ANK3: variants seen among roughly 807,000 people sequenced by gnomAD.
The protein encoded by ANK3 is ankyrin-3.
A neutral mutation model predicts 370.9 loss-of-function variants in ANK3; 57 were observed. That is an observed-to-expected ratio of 0.15 (90% CI 0.12 to 0.19). ANK3 has a LOEUF of 0.19. ANK3 is among the 10% of genes least tolerant of loss of function. ANK3 has a pLI of 1.00. For missense variants in ANK3, 4,439 were observed against 5,302.1 expected (o/e 0.84, Z 5.06); for synonymous variants, 1,929 against 1,946.3 (o/e 0.99, Z 0.23).
In ANK3 at chr10:60,071,767, G is replaced by T. The variant is rs752477716; in HGVS notation, c.9114C>A (p.Leu3038=). 3.1e-6 allele frequency: 5 copies of T among 1,600,044 alleles called. No individual in the cohort carries two copies. Among genetic ancestry groups the T allele is most frequent in the Non-Finnish European group, 4.3e-6 (5 of 1,174,758 alleles). Residue 3038 remains leucine (L), a synonymous_variant, in exon 37 of 44, where the codon CTC becomes CTA. Coordinates refer to ENST00000280772, the MANE Select transcript of ANK3 (RefSeq NM_020987.5). The part of the protein sequence containing the change: ...HQSYVGLCPP[L]EETETSPTKS... ...TGGTGGGGGAGGTTTCGGTTTCCTCGAGAGGTGGGCATAAACCTACATAAC... is the reference window on the plus strand; with the variant it reads ...TGGTGGGGGAGGTTTCGGTTTCCTCTAGAGGTGGGCATAAACCTACATAAC...
chr10:60,728,696 G>A (rs1329602547), intron 1 of ANK3, among the ~76,000 whole-genome samples: 1 of 152,222 alleles, frequency 6.6e-6, no homozygotes, highest in African/African-American at 2.4e-5. Context: ...TGAGGTTACA[G>A]AACTAGTTAG....
At chr10:60,457,121 C>T (rs1400499992) in intron 2 of ANK3, among the ~76,000 whole-genome samples, 1 of 152,056 alleles carries the variant, frequency 6.6e-6, no homozygotes, top group East Asian at 1.9e-4. Context: ...TTGACTTTAA[C>T]CATGGTTTGT....
chr10:60,441,566 G>C (rs1207817582), intron 2 of ANK3, among the ~76,000 whole-genome samples: 2 of 151,988 alleles, frequency 1.3e-5, no homozygotes, highest in Non-Finnish European at 2.9e-5. Flanking sequence ...TTACATGGCT[G>C]GAATTCCTAT....
intron 7 of ANK3, among the ~76,000 whole-genome samples, chr10:60,245,744 A>G (rs1334494338): frequency 6.6e-6 from 1 of 152,234 alleles, no homozygotes; most frequent in Admixed American, 6.5e-5. Context: ...TATGCAAACA[A>G]TGATAACTTC....
chr10:60,712,520 G>A (rs1411941311), intron 1 of ANK3, among the ~76,000 whole-genome samples: 2 of 152,074 alleles, frequency 1.3e-5, no homozygotes, highest in African/African-American at 4.8e-5. Flanking sequence ...GAGAGAAAAT[G>A]GAATCATATA....
At chr10:60,265,194 C>CA (rs930949122) in intron 5 of ANK3, among the ~76,000 whole-genome samples, 5 of 151,934 alleles carry the variant, frequency 3.3e-5, no homozygotes, top group South Asian at 4.2e-4. Flanking sequence ...CAATAAATTT[C>CA]AAAAAAAGCA....
intron 23 of ANK3, among the ~76,000 whole-genome samples, chr10:60,158,961 C>A (rs1011883901): frequency 7.9e-5 from 12 of 151,898 alleles, no homozygotes; most frequent in Non-Finnish European, 1.2e-4. Context: ...TAGGCATGAG[C>A]CACCGTGCCC....
At chr10:60,094,206 CA>C (rs1285565559) in intron 28 of ANK3, among the ~76,000 whole-genome samples, 2 of 110,022 alleles carry the variant, frequency 1.8e-5, no homozygotes, top group African/African-American at 7.1e-5. Context: ...TTTTTTTGGA[CA>C]GGGTCTCACT....
intron 2 of ANK3, chr10:60,615,156 T>C (rs759161143): frequency 2.8e-5 from 39 of 1,405,380 alleles, no homozygotes; most frequent in Middle Eastern, 3.5e-4. Flanking sequence ...AAATAATATA[T>C]TTGTTGAGTT....
chr10:60,271,661 A>G (rs950215763), intron 4 of ANK3, among the ~76,000 whole-genome samples: 19 of 152,162 alleles, frequency 1.2e-4, no homozygotes, highest in African/African-American at 3.4e-4. Flanking sequence ...TGATTCAAAA[A>G]GTTTAGGTTC....
chr10:60,493,253 G>C (rs1416118815), intron 2 of ANK3, among the ~76,000 whole-genome samples: 1 of 152,122 alleles, frequency 6.6e-6, no homozygotes, highest in South Asian at 2.1e-4. Context: ...CAGTAAGCAG[G>C]AAGTGTCAAG....
intron 2 of ANK3, among the ~76,000 whole-genome samples, chr10:60,499,209 T>C (rs982141847): frequency 1.3e-5 from 2 of 152,180 alleles, no homozygotes; most frequent in African/African-American, 4.8e-5. Flanking sequence ...ATGCATGTTC[T>C]TCCTCAAAAG....
chr10:60,695,547 C>A (rs2079434353), intron 1 of ANK3, among the ~76,000 whole-genome samples: 1 of 152,202 alleles, frequency 6.6e-6, no homozygotes, highest in African/African-American at 2.4e-5. Flanking sequence ...TTATAACAAA[C>A]TGTCTCTCAG....
At chr10:60,079,621 A>G (rs1793924195) in intron 36 of ANK3, among the ~76,000 whole-genome samples, 1 of 152,232 alleles carries the variant, frequency 6.6e-6, no homozygotes, top group African/African-American at 2.4e-5. Flanking sequence ...GGAATGATTC[A>G]CTAATTAAAA....
intron 2 of ANK3, among the ~76,000 whole-genome samples, chr10:60,471,895 C>T (rs551199876): frequency 7.9e-5 from 12 of 151,662 alleles, no homozygotes; most frequent in East Asian, 3.9e-4. Flanking sequence ...TTTCCTATAC[C>T]GCAAATAAAG....
intron 1 of ANK3, among the ~76,000 whole-genome samples, chr10:60,306,449 ATATATC>A (rs35854424): frequency 0.46 from 36,072 of 78,182 alleles, 5,268 homozygotes; most frequent in South Asian, 0.56. Flanking sequence ...ATATATATAT[ATATATC>A]TATCTTTATC....
At chr10:60,204,650 A>G (rs1002491855) in intron 11 of ANK3, among the ~76,000 whole-genome samples, 2 of 152,188 alleles carry the variant, frequency 1.3e-5, no homozygotes, top group Non-Finnish European at 2.9e-5. Context: ...CAGGCATTCA[A>G]CAAAACTTTA....
intron 30 of ANK3, among the ~76,000 whole-genome samples, chr10:60,085,733 A>G (rs1301257785): frequency 6.7e-6 from 1 of 149,436 alleles, no homozygotes; most frequent in Non-Finnish European, 1.5e-5. Context: ...CTCCTGCCTC[A>G]GCCTCCCCAG....
intron 23 of ANK3, among the ~76,000 whole-genome samples, chr10:60,160,730 T>TA: frequency 6.6e-6 from 1 of 152,150 alleles, no homozygotes; most frequent in Non-Finnish European, 1.5e-5. Context: ...CACCCAGGGA[T>TA]GCAAGGATGG....
Sources: gnomAD v4.1 joint callset for allele counts (sites outside exome capture counted in the v4.1 genomes callset) on GRCh38, gnomAD v4.1.1 for gene constraint, MANE v1.5 for transcripts, NCBI Gene and HGNC (gene_info 2026-07-23, HGNC 2026-07-21) for gene names.